The following MECOM variants were observed in gnomAD, a reference collection of about 807,000 sequenced individuals.
The protein encoded by MECOM is MDS1 and EVI1 complex locus, also known as histone-lysine N-methyltransferase MECOM.
A neutral mutation model predicts 116.3 loss-of-function variants in MECOM; 13 were observed. The ratio of observed to expected loss-of-function variants is 0.11; its 90% CI spans 0.07 to 0.18. MECOM has a LOEUF of 0.18. Among genes scored for constraint, MECOM ranks in the 10% least tolerant of loss-of-function variants. The pLI is 1.00. For missense variants in MECOM, 1,299 were observed against 1,509.0 expected (o/e 0.86, Z 2.31); for synonymous variants, 528 against 535.2 (o/e 0.99, Z 0.19).
intron 1 of MECOM, among the ~76,000 whole-genome samples, chr3:169,510,505 C>A (rs1160473609): frequency 1.3e-5 from 2 of 152,200 alleles, no homozygotes; most frequent in Non-Finnish European, 2.9e-5. Context: ...GAACACAATG[C>A]GAGCTGACAT....
At chr3:169,376,686 A>AC (rs1352187671) in intron 2 of MECOM, among the ~76,000 whole-genome samples, 1 of 50,856 alleles carries the variant, frequency 2.0e-5, no homozygotes, top group East Asian at 4.6e-4. Flanking sequence ...GAGAGGACAC[A>AC]AAAAATGGAA....
intron 1 of MECOM, among the ~76,000 whole-genome samples, chr3:169,382,182 A>T (rs1732499795): frequency 6.6e-6 from 1 of 152,182 alleles, no homozygotes. Context: ...TAAACGCTAA[A>T]ATCGTTAAAG....
At chr3:169,423,167 T>C (rs1405652145) in intron 1 of MECOM, among the ~76,000 whole-genome samples, 1 of 152,076 alleles carries the variant, frequency 6.6e-6, no homozygotes, top group East Asian at 1.9e-4. Context: ...CTATGGATCA[T>C]ACTTTGAGTA....
At chr3:169,531,641 A>C (rs1489425145) in intron 1 of MECOM, among the ~76,000 whole-genome samples, 1 of 152,164 alleles carries the variant, frequency 6.6e-6, no homozygotes, top group Non-Finnish European at 1.5e-5. Flanking sequence ...TACATCTGCC[A>C]CCTCTCATTT....
intron 2 of MECOM, among the ~76,000 whole-genome samples, chr3:169,360,211 T>A (rs191487463): frequency 6.7e-6 from 1 of 148,810 alleles, no homozygotes; most frequent in East Asian, 2.0e-4. Context: ...TTGGAATTTC[T>A]CTGTAAGAAA....
intron 2 of MECOM, among the ~76,000 whole-genome samples, chr3:169,251,806 C>T (rs1411363345): frequency 6.6e-6 from 1 of 152,058 alleles, no homozygotes; most frequent in Non-Finnish European, 1.5e-5. Context: ...AAAGCCCCGT[C>T]GACTGTGGAA....
chr3:169,242,867 T>C (rs922901719), intron 2 of MECOM, among the ~76,000 whole-genome samples: 7 of 151,884 alleles, frequency 4.6e-5, no homozygotes, highest in African/African-American at 1.7e-4. Context: ...TTTTTTTTTT[T>C]TTCTTTTCCT....
At chr3:169,093,456 A>G (rs1470868178) in intron 13 of MECOM, among the ~76,000 whole-genome samples, 1 of 152,198 alleles carries the variant, frequency 6.6e-6, no homozygotes, top group African/African-American at 2.4e-5. Context: ...GATTCTGCCA[A>G]GAGACACTCT....
chr3:169,344,889 G>T (rs1224331033), intron 2 of MECOM, among the ~76,000 whole-genome samples: 1 of 152,070 alleles, frequency 6.6e-6, no homozygotes. Flanking sequence ...AAGAGGAAGA[G>T]GTAAGAGACA....
intron 14 of MECOM, 59 bp downstream of exon 14, chr3:169,092,899 A>G (rs1720210283): frequency 6.2e-7 from 1 of 1,603,428 alleles, no homozygotes; most frequent in South Asian, 1.1e-5. Context: ...TAGCAAGTAT[A>G]TTTTAAAACA....
intron 1 of MECOM, among the ~76,000 whole-genome samples, chr3:169,473,728 C>T (rs770144389): frequency 2.6e-5 from 4 of 152,086 alleles, no homozygotes; most frequent in Non-Finnish European, 5.9e-5. Flanking sequence ...GAGATTGCTC[C>T]ACTGCACTCC....
chr3:169,114,050 G>A (rs536701282), intron 8 of MECOM, among the ~76,000 whole-genome samples: 1 of 152,220 alleles, frequency 6.6e-6, no homozygotes, highest in African/African-American at 2.4e-5. Flanking sequence ...GGAAGAATCA[G>A]AAGCCAGTTG....
At chr3:169,344,129 TA>T (rs1724986024) in intron 2 of MECOM, among the ~76,000 whole-genome samples, 1 of 152,152 alleles carries the variant, frequency 6.6e-6, no homozygotes, top group Non-Finnish European at 1.5e-5. Flanking sequence ...AGGAAAATAC[TA>T]CATTTTGGTA....
intron 2 of MECOM, among the ~76,000 whole-genome samples, chr3:169,184,556 A>T (rs1189097453): frequency 2.6e-5 from 4 of 152,206 alleles, no homozygotes; most frequent in Non-Finnish European, 4.4e-5. Context: ...CAAACCCAGA[A>T]ATATTGAACA....
Position 169,504,889 on chromosome 3 carries a change from T to C in MECOM, c.38-123365A>G, listed in dbSNP as rs563595548. ...TCAACATAAGCATATAAATAAAATATATGCTTACGCTTAGCATAGGCATAG... is the reference window on the plus strand; with the variant it reads ...TCAACATAAGCATATAAATAAAATACATGCTTACGCTTAGCATAGGCATAG... On this transcript the variant is annotated intron_variant, in intron 1 of 16. Transcript: ENST00000651503. Among the ~76,000 whole-genome samples, 7 of 152,318 alleles carry C rather than the reference T, an allele frequency of 4.6e-5. No individual in the cohort carries two copies. The East Asian group carries it at 9.6e-4, about 21-fold the overall frequency.
intron 2 of MECOM, among the ~76,000 whole-genome samples, chr3:169,223,109 ATTTCAT>A (rs1226176930): frequency 7.5e-6 from 1 of 133,652 alleles, no homozygotes; most frequent in East Asian, 2.3e-4. Flanking sequence ...ATACTGGCAA[ATTTCAT>A]TTTCAAAGTC....
At chr3:169,335,902 A>T in intron 2 of MECOM, among the ~76,000 whole-genome samples, 1 of 152,280 alleles carries the variant, frequency 6.6e-6, no homozygotes, top group East Asian at 1.9e-4. Flanking sequence ...ATCTTAATAC[A>T]TTTAGAAACA....
At chr3:169,369,860 G>A (rs1009880407) in intron 2 of MECOM, among the ~76,000 whole-genome samples, 1 of 151,788 alleles carries the variant, frequency 6.6e-6, no homozygotes, top group Non-Finnish European at 1.5e-5. Context: ...TGTAATGTAG[G>A]CTTTTATAGT....
intron 1 of MECOM, among the ~76,000 whole-genome samples, chr3:169,389,380 G>T (rs1422652387): frequency 6.6e-6 from 1 of 152,204 alleles, no homozygotes; most frequent in African/African-American, 2.4e-5. Context: ...AACATGAGCT[G>T]GTTAATGTTT....
Sources: allele counts gnomAD v4.1 joint callset (sites outside exome capture counted in the v4.1 genomes callset), GRCh38; gene constraint gnomAD v4.1.1; transcripts MANE v1.5; gene names NCBI Gene and HGNC (gene_info 2026-07-23, HGNC 2026-07-21).